The following MYO7A variants were observed in gnomAD, a reference collection of about 807,000 sequenced individuals.
The protein encoded by MYO7A is myosin VIIA, also known as unconventional myosin-VIIa.
In MYO7A, 210 loss-of-function variants were observed where a neutral mutation model predicts 263.8. The ratio of observed to expected loss-of-function variants is 0.80; its 90% CI spans 0.71 to 0.89. The LOEUF is 0.89. Among genes scored for constraint, MYO7A ranks in the 40% least tolerant of loss-of-function variants. The pLI is 0.00. For missense variants in MYO7A, 2,820 were observed against 2,968.3 expected, an observed-to-expected ratio of 0.95 and a Z score of 1.16; for synonymous variants, 1,239 against 1,197.3, an observed-to-expected ratio of 1.03 and a Z score of -0.72.
intron 40 of MYO7A, among the ~76,000 whole-genome samples, 154 bp from the exon 41 acceptor site, chr11:77,205,940 TGAG>T (rs763486968): frequency 2.0e-5 from 3 of 152,114 alleles, no homozygotes; most frequent in African/African-American, 2.4e-5. Context: ...ATTTTACAGA[TGAG>T]GAGCTCAAGG....
Position 77,179,097 on chromosome 11 carries a change from C to T in MYO7A, c.2335C>T (p.Arg779Trp), listed in dbSNP as rs919516884. The change falls in exon 20 of 49, where the codon CGG (arginine) becomes TGG (tryptophan). Residue 779 changes from arginine to tryptophan, a missense_variant. Coordinates refer to ENST00000409709, the MANE Select transcript of MYO7A (RefSeq NM_000260.4). Reference sequence around the variant, plus strand: ...TGCCACACTGATCCAGAGGCACTGGCGGGGTCACAACTGTAGGAAGAACTA... The same window carrying T: ...TGCCACACTGATCCAGAGGCACTGGTGGGGTCACAACTGTAGGAAGAACTA... ...NAATLIQRHW[R>W]GHNCRKNYGL... 14 of 1,607,154 alleles carry T rather than the reference C, an allele frequency of 8.7e-6. No homozygotes were observed. The highest frequency in any genetic ancestry group is 2.2e-5 in the East Asian group (1 of 44,666).
intron 38 of MYO7A, 102 bp from the exon 39 acceptor site, chr11:77,203,974 G>C (rs958736821): frequency 7.6e-7 from 1 of 1,321,154 alleles, no homozygotes. Context: ...AGGGCCCAGG[G>C]TCACAGCTTC....
At position 77,182,071 on chromosome 11, in the gene MYO7A, T is replaced by TTCCTACACCCGGTTG. The variant is rs782367511; in HGVS notation, c.3028_3029insTACACCCGGTTGTCC (p.Phe1009_Gln1010insLeuHisProValVal). The TTCCTACACCCGGTTG allele has an allele frequency of 6.6e-5, 106 of 1,613,310 alleles. No homozygotes were observed. Among genetic ancestry groups the TTCCTACACCCGGTTG allele is most frequent in the Non-Finnish European group, 8.5e-5 (100 of 1,179,858 alleles). The stretch of plus-strand genomic sequence containing the variant: ...ATTTGCCAAGTTCGCGGCCACCTAC[T>TTCCTACACCCGGTTG]TCCAGGGGACAACCACGCACTCCTA... On this transcript the variant is annotated inframe_insertion, in exon 24 of 49. Coordinates refer to ENST00000409709, the MANE Select transcript of MYO7A (RefSeq NM_000260.4).
At chr11:77,204,918 C>T (rs1288270711) in intron 39 of MYO7A, among the ~76,000 whole-genome samples, 1 of 152,208 alleles carries the variant, frequency 6.6e-6, no homozygotes, top group Non-Finnish European at 1.5e-5. Flanking sequence ...CCGTAATTTG[C>T]TTCATCCTTC....
In MYO7A at chr11:77,211,931, G is replaced by T. The variant is rs1250081612; in HGVS notation, c.6348G>T (p.Glu2116Asp). 2 of 1,613,058 alleles carry T rather than the reference G, an allele frequency of 1.2e-6. No individual in the cohort carries two copies. The highest frequency in any genetic ancestry group is 1.1e-5 in the South Asian group (1 of 91,024). Reference sequence around the variant, plus strand: ...CCACCTTTGGCTCAGCCTTCTTCGAGGTGAAGGTACACCATGGGCTTCTCA... The same window carrying T: ...CCACCTTTGGCTCAGCCTTCTTCGATGTGAAGGTACACCATGGGCTTCTCA... Reference protein sequence around the residue: ...KWPTFGSAFFEVKQTTEPNFP... With the variant: ...KWPTFGSAFFDVKQTTEPNFP... Residue 2116 changes from glutamate (E) to aspartate (D), a missense_variant, in exon 46 of 49, where the codon GAG becomes GAT. Glu to Asp is a conservative substitution (Grantham distance 45). Transcript: ENST00000409709.
rs1952420773 is a variant in MYO7A, at chr11:77,155,937, A to C, written c.316A>C (p.Asn106His). 1 of 1,609,968 alleles carries C rather than the reference A, an allele frequency of 6.2e-7. No homozygotes were observed. Among genetic ancestry groups the C allele is most frequent in the Non-Finnish European group, 8.5e-7 (1 of 1,177,766 alleles). The change falls in exon 5 of 49, where the codon AAC becomes CAC. Residue 106 changes from asparagine to histidine, a missense_variant. By Grantham distance (68) the Asn-to-His change is moderately conservative. Coordinates refer to ENST00000409709, the MANE Select transcript of MYO7A (RefSeq NM_000260.4). ...TACGGGCTCCATCCTGGTGGCTGTGAACCCCTACCAGCTGCTCTCCATCTA... is the reference window on the plus strand; with the variant it reads ...TACGGGCTCCATCCTGGTGGCTGTGCACCCCTACCAGCTGCTCTCCATCTA... ...TYTGSILVAV[N>H]PYQLLSIYSP...
At chr11:77,208,136 G>A (rs1017187574) in intron 42 of MYO7A, among the ~76,000 whole-genome samples, 1 of 152,244 alleles carries the variant, frequency 6.6e-6, no homozygotes, top group African/African-American at 2.4e-5. Context: ...GGATGCCAGA[G>A]AATGTCCAAG....
rs1555083466 is a variant in MYO7A at position 77,180,472 on chromosome 11, C to T, written c.2685C>T (p.Arg895=). The T allele has an allele frequency of 6.2e-7, 1 of 1,612,222 alleles. No individual in the cohort carries two copies. Among genetic ancestry groups the T allele is most frequent in the Admixed American group, 1.7e-5 (1 of 60,000 alleles). Residue 895 remains arginine (R), a synonymous_variant, in exon 22 of 49, where the codon CGC becomes CGT. Transcript: ENST00000409709. ...AGAAGGCCAAGGAGGAGGCCGAGCG[C>T]AAGCATCAGGTGAGCTGAGAGCCTC... ...SAKKAKEEAE[R]KHQERLAQLA...
At position 77,203,336 on chromosome 11, in the gene MYO7A, G is replaced by A. The variant is rs1957205714; in HGVS notation, c.5326+119G>A. 3 of 1,145,562 alleles carry A rather than the reference G, an allele frequency of 2.6e-6. No individual in the cohort carries two copies. In the Admixed American group the frequency reaches 7.2e-5, roughly 28 times the overall value. 71.0% of individuals were successfully genotyped at this position (1,145,562 alleles called of 1,614,324 possible). On this transcript the variant is annotated intron_variant, in intron 38 of 48. Transcript: ENST00000409709. ...CGGGCACACATGGGGAGGGTTGATG[G>A]AGTACCCCCTCCCTTGCACCTTTTG...
Position 77,202,302 on chromosome 11 carries a change from C to A in MYO7A, c.5046C>A (p.Ala1682=). The change falls in exon 37 of 49, where the codon GCC becomes GCA. Residue 1682 remains alanine (A), a splice_region_variant and synonymous_variant. Coordinates refer to ENST00000409709, the MANE Select transcript of MYO7A (RefSeq NM_000260.4). Reference sequence around the variant, plus strand: ...GCCCCCTGTCTCTTGGTCCCTAGGCCCTGGTCACCATGACTCCCGATCAGA... The same window carrying A: ...GCCCCCTGTCTCTTGGTCCCTAGGCACTGGTCACCATGACTCCCGATCAGA... ...TVTMPPREIV[A]LVTMTPDQRQ... is the part of the protein sequence containing the mutation. 6.3e-7 allele frequency: 1 copy of A among 1,585,750 alleles called. No homozygotes were observed. The highest frequency in any genetic ancestry group is 8.6e-7 in the Non-Finnish European group (1 of 1,165,210).
chr11:77,129,119 C>G (rs1221039652), intron 1 of MYO7A, among the ~76,000 whole-genome samples: 1 of 152,242 alleles, frequency 6.6e-6, no homozygotes, highest in Non-Finnish European at 1.5e-5. Context: ...CACTCTCCCC[C>G]ATCCCTTGGA....
chr11:77,132,140 T>C (rs1412805241), intron 2 of MYO7A, among the ~76,000 whole-genome samples: 1 of 151,538 alleles, frequency 6.6e-6, no homozygotes, highest in East Asian at 2.0e-4. Context: ...GTCCACGGAG[T>C]GCTTGGCTTC....
In MYO7A at chr11:77,206,207, G is replaced by A; in HGVS notation, c.5742+5G>A. ...TTCCCTGATGACACTGACGAGGTGA[G>A]GGTCACCGGCTTCTAGGTCTGCAGT... is the stretch of plus-strand genomic sequence containing the variant. On this transcript the variant is annotated splice_donor_5th_base_variant and intron_variant, in intron 41 of 48. Coordinates refer to ENST00000409709, the MANE Select transcript of MYO7A (RefSeq NM_000260.4). The A allele has an allele frequency of 6.2e-7, 1 of 1,606,654 alleles. No homozygotes were observed. The highest frequency in any genetic ancestry group is 1.1e-5 in the South Asian group (1 of 90,112).
At position 77,138,441 on chromosome 11, in the gene MYO7A, G is replaced by A. The variant is rs1362036824; in HGVS notation, c.19-4268G>A. On this transcript the variant is annotated intron_variant, in intron 2 of 48. Transcript: ENST00000409709. This position sits in a 1 kb window ranked among gnomAD's most constrained non-coding sequence, Gnocchi z 4.9. ...CGGTGAGGCCCGGGCCAGGAGGGGA[G>A]AAGGGAGGGGGAGGGCGCCTCGCCC... 6.6e-6 allele frequency among the ~76,000 whole-genome samples: 1 copy of A among 152,188 alleles called. No homozygotes were observed. Among genetic ancestry groups the A allele is most frequent in the Non-Finnish European group, 1.5e-5 (1 of 68,022 alleles).
rs1565442457 is a variant in MYO7A at position 77,192,951 on chromosome 11, TGATGG to T, written c.4152+674_4152+678del. On this transcript the variant is annotated intron_variant, in intron 31 of 48. Transcript: ENST00000409709. ...GTGTTGTTTGTGATGGTGGAGGTAGTGATGGTGTTGGTGATGGTGGAGGTAGTTGT... is the reference window on the plus strand; with the variant it reads ...GTGTTGTTTGTGATGGTGGAGGTAGTTGTTGGTGATGGTGGAGGTAGTTGT... Among the ~76,000 whole-genome samples, 40 of 24,718 alleles carry T rather than the reference TGATGG, an allele frequency of 1.6e-3. 1 individual carries two copies. Among genetic ancestry groups the T allele is most frequent in the Admixed American group, 8.1e-3 (16 of 1,970 alleles). 16.2% of individuals were successfully genotyped at this position (24,718 alleles called of 152,430 possible).
At chr11:77,206,432 C>T (rs905204518) in intron 41 of MYO7A, among the ~76,000 whole-genome samples, 5 of 152,202 alleles carry the variant, frequency 3.3e-5, no homozygotes, top group Non-Finnish European at 5.9e-5. Context: ...TTCAGAAGGG[C>T]GCCCCTCCCT....
At chr11:77,174,728 C>T (rs1555078771) in intron 16 of MYO7A, 28 bp from the exon 17 acceptor site, 2 of 1,555,490 alleles carry the variant, frequency 1.3e-6, no homozygotes, top group Admixed American at 1.9e-5. Flanking sequence ...AGCCTTGGCC[C>T]TGATGCCCTT....
chr11:77,163,532 A>G (rs1555070604), intron 14 of MYO7A, among the ~76,000 whole-genome samples: 1 of 152,148 alleles, frequency 6.6e-6, no homozygotes, highest in Admixed American at 6.5e-5. Context: ...TGTACTAAAT[A>G]CTGTAGGCAG....
Position 77,138,171 on chromosome 11 carries a change from C to T in MYO7A, c.19-4538C>T, listed in dbSNP as rs530730505. Among the ~76,000 whole-genome samples the T allele has an allele frequency of 1.1e-4, 16 of 152,068 alleles. No homozygotes were observed. In the South Asian group the frequency reaches 2.9e-3, roughly 28 times the overall value. Reference sequence around the variant, plus strand: ...TGGCGCGGGCGCCCCCTCGCCGTCCCGCCCGCGGGCGTCACCTAAGCCGCC... The same window carrying T: ...TGGCGCGGGCGCCCCCTCGCCGTCCTGCCCGCGGGCGTCACCTAAGCCGCC... On this transcript the variant is annotated intron_variant, in intron 2 of 48. Transcript: ENST00000409709. This position sits in a 1 kb window ranked among gnomAD's most constrained non-coding sequence, Gnocchi z 4.9.
Sources: allele counts gnomAD v4.1 joint callset (sites outside exome capture counted in the v4.1 genomes callset), GRCh38; gene constraint gnomAD v4.1.1; non-coding constraint Gnocchi (gnomAD v3.1); transcripts MANE v1.5; gene names NCBI Gene and HGNC (gene_info 2026-07-23, HGNC 2026-07-21).